Variants in ZMYM2 observed in about 807,000 individuals in gnomAD.
The protein encoded by ZMYM2 is zinc finger MYM-type protein 2.
In ZMYM2, 56 loss-of-function variants were observed where a neutral mutation model predicts 162.8. That is an observed-to-expected ratio of 0.34 (90% CI 0.28 to 0.43). The LOEUF is 0.43. Among genes scored for constraint, ZMYM2 ranks in the 20% least tolerant of loss-of-function variants. The pLI is 1.00. For synonymous variants in ZMYM2, 510 were observed against 541.6 expected (o/e 0.94, Z 0.81); for missense variants, 1,275 against 1,621.8 (o/e 0.79, Z 3.67).
chr13:19,894,863 G>A, the ZMYM2 span, among the ~76,000 whole-genome samples: 10 of 151,752 alleles, frequency 6.6e-5, 1 homozygote, highest in African/African-American at 2.4e-4. Context: ...GGCTGAGGTG[G>A]GTAGATCACT....
chr13:19,945,677 T>A, the ZMYM2 span, among the ~76,000 whole-genome samples: 2 of 152,186 alleles, frequency 1.3e-5, no homozygotes, highest in Non-Finnish European at 2.9e-5. Flanking sequence ...TCTCATCTTT[T>A]GTTTGTACAA....
rs752946052 is a variant in ZMYM2 at position 20,036,832 on chromosome 13, A to G, written c.2215A>G (p.Thr739Ala). 3.1e-6 allele frequency: 5 copies of G among 1,610,548 alleles called. No individual in the cohort carries two copies. The Admixed American group carries it at 5.0e-5, about 16-fold the overall frequency. The change falls in exon 12 of 25, where the codon ACT becomes GCT. Residue 739 changes from threonine to alanine, a missense_variant. By Grantham distance (58) the Thr-to-Ala change is moderately conservative. This residue lies in a region of ZMYM2 where 177 missense variants were observed against 228.0 expected (regional missense o/e 0.78). Transcript: ENST00000610343. ...TTCTCAGCTATGTAAGAAGGGAGCA[A>G]CTAAAGAACTCGATGGTGTTGTGAG... is the stretch of plus-strand genomic sequence containing the variant. Reference protein sequence around the residue: ...YCSQLCKKGATKELDGVVRDF... With the variant: ...YCSQLCKKGAAKELDGVVRDF...
intron 6 of ZMYM2, among the ~76,000 whole-genome samples, chr13:20,018,433 T>G (rs1951797021): frequency 6.6e-6 from 1 of 152,192 alleles, no homozygotes; most frequent in Non-Finnish European, 1.5e-5. Context: ...AGTGAATGTC[T>G]TCTTTCTCTG....
chr13:19,911,152 G>A, the ZMYM2 span, among the ~76,000 whole-genome samples: 70 of 150,414 alleles, frequency 4.7e-4, 1 homozygote, highest in African/African-American at 1.6e-3. Context: ...CACCTCCCAG[G>A]TTCAAGCAAT....
At chr13:20,037,203 A>G in intron 12 of ZMYM2, among the ~76,000 whole-genome samples, 1 of 148,216 alleles carries the variant, frequency 6.7e-6, no homozygotes, top group African/African-American at 2.5e-5. Context: ...TCTTTATTTC[A>G]CTAAGTAGAA....
Position 20,067,406 on chromosome 13 carries a change from GC to G in ZMYM2, c.3453+17del. On this transcript the variant is annotated intron_variant, in intron 21 of 24. Coordinates refer to ENST00000610343, the MANE Select transcript of ZMYM2 (RefSeq NM_197968.4). ...AATACAGGAGGTTAGTAATTTGATG[GC>G]TGCTTTCAAGTATAACATTAATAAG... is the stretch of plus-strand genomic sequence containing the variant. 6.3e-7 allele frequency: 1 copy of G among 1,585,468 alleles called. No homozygotes were observed. The highest frequency in any genetic ancestry group is 1.7e-5 in the Admixed American group (1 of 58,128).
At chr13:19,876,643 G>A in the ZMYM2 span, among the ~76,000 whole-genome samples, 1 of 152,104 alleles carries the variant, frequency 6.6e-6, no homozygotes, top group Non-Finnish European at 1.5e-5. Flanking sequence ...CAAAAAGTAT[G>A]ATAAAATACA....
Position 20,086,761 on chromosome 13 carries a change from ATG to A in ZMYM2, c.*757_*758del, listed in dbSNP as rs368935953. The A allele has an allele frequency of 8.6e-5, 10 of 116,156 alleles. No individual in the cohort carries two copies. Among genetic ancestry groups the A allele is most frequent in the South Asian group, 2.9e-4 (1 of 3,402 alleles). The allele number at this position is 116,156 out of a possible 1,614,324, so 7.2% of individuals were successfully genotyped here. A position where few individuals can be genotyped will look rare whatever the true frequency, so the allele number is the denominator to read the frequency against. ...TATATATATGTATATATATGTATGTATGTGTGTGTGTATATATATATATATAT... is the reference window on the plus strand; with the variant it reads ...TATATATATGTATATATATGTATGTATGTGTGTGTATATATATATATATAT... On this transcript the variant is annotated 3_prime_UTR_variant, in exon 25 of 25. Coordinates refer to ENST00000610343, the MANE Select transcript of ZMYM2 (RefSeq NM_197968.4).
chr13:19,996,646 G>A (rs1950037318), intron 3 of ZMYM2, among the ~76,000 whole-genome samples: 1 of 152,080 alleles, frequency 6.6e-6, no homozygotes, highest in South Asian at 2.1e-4. Flanking sequence ...GAACCTGGGA[G>A]GCGGAGGTTG....
rs549871223 is a variant in ZMYM2 at position 20,050,402 on chromosome 13, G to A, written c.2293-1031G>A. On this transcript the variant is annotated intron_variant, in intron 12 of 24. Coordinates refer to ENST00000610343, the MANE Select transcript of ZMYM2 (RefSeq NM_197968.4). ...ATCCACAGTGTAAAACTCTAGATTA[G>A]AGTAATAAAGGAAAAGCCATGGCCA... Among the ~76,000 whole-genome samples, 55 of 151,934 alleles carry A rather than the reference G, an allele frequency of 3.6e-4. No homozygotes were observed. The South Asian group carries it at 7.7e-3, about 21-fold the overall frequency.
intron 3 of ZMYM2, among the ~76,000 whole-genome samples, chr13:19,995,580 T>C (rs1949958497): frequency 6.6e-6 from 1 of 152,154 alleles, no homozygotes; most frequent in African/African-American, 2.4e-5. Flanking sequence ...GGTTTCACCA[T>C]GTTGGCCAGA....
the ZMYM2 span, among the ~76,000 whole-genome samples, chr13:19,867,918 A>C: frequency 6.6e-6 from 1 of 152,168 alleles, no homozygotes; most frequent in Non-Finnish European, 1.5e-5. Flanking sequence ...AAGCCACTGC[A>C]CCCAGCCTGA....
At chr13:19,976,479 C>T (rs779695363) in intron 2 of ZMYM2, among the ~76,000 whole-genome samples, 33 of 151,734 alleles carry the variant, frequency 2.2e-4, no homozygotes, top group Non-Finnish European at 4.3e-4. Flanking sequence ...CAATATTAGT[C>T]GGTATATTCA....
At chr13:19,988,735 T>TC (rs1183617434) in intron 2 of ZMYM2, among the ~76,000 whole-genome samples, 5 of 152,000 alleles carry the variant, frequency 3.3e-5, no homozygotes, top group African/African-American at 1.2e-4. Context: ...GTGAGCAAGA[T>TC]CGATTGCGCC....
intron 14 of ZMYM2, among the ~76,000 whole-genome samples, chr13:20,053,872 A>G (rs1206880269): frequency 6.6e-6 from 1 of 152,154 alleles, no homozygotes; most frequent in Non-Finnish European, 1.5e-5. Context: ...AAGTACGTAA[A>G]GTATTCACTT....
chr13:20,073,445 ACACT>A (rs1957241439), intron 21 of ZMYM2, among the ~76,000 whole-genome samples: 1 of 152,188 alleles, frequency 6.6e-6, no homozygotes, highest in South Asian at 2.1e-4. Flanking sequence ...GTTGGCCTAG[ACACT>A]CATGTAGCTA....
At chr13:19,930,911 G>A in the ZMYM2 span, among the ~76,000 whole-genome samples, 15 of 150,574 alleles carry the variant, frequency 1.0e-4, no homozygotes, top group Admixed American at 2.0e-4. Context: ...AGGCCGAGGC[G>A]GGCAGATCAA....
chr13:19,975,011 G>A (rs145361632), intron 2 of ZMYM2, among the ~76,000 whole-genome samples: 4 of 151,258 alleles, frequency 2.6e-5, no homozygotes, highest in African/African-American at 9.8e-5. Flanking sequence ...TGATTTTTGT[G>A]TGTGAACTGT....
intron 2 of ZMYM2, among the ~76,000 whole-genome samples, chr13:19,987,761 G>A (rs1949294964): frequency 6.6e-6 from 1 of 152,016 alleles, no homozygotes; most frequent in Admixed American, 6.6e-5. Context: ...GGTTACAGGC[G>A]TGAGCCACCG....
Sources: gnomAD v4.1 joint callset for allele counts (sites outside exome capture counted in the v4.1 genomes callset) on GRCh38, gnomAD v4.1.1 for gene constraint, gnomAD v4.1.1 regional missense constraint, MANE v1.5 for transcripts, NCBI Gene and HGNC (gene_info 2026-07-23, HGNC 2026-07-21) for gene names.